HSD17B4: variants seen among roughly 807,000 people sequenced by gnomAD.
HSD17B4 encodes the protein peroxisomal multifunctional enzyme type 2.
A neutral mutation model predicts 101.0 loss-of-function variants in HSD17B4; 70 were observed. That is an observed-to-expected ratio of 0.69 (90% CI 0.57 to 0.85). The LOEUF (loss-of-function observed/expected upper bound fraction) is 0.85. HSD17B4 is among the 40% of genes least tolerant of loss of function. The probability of loss-of-function intolerance (pLI) is 0.00; values close to 1 mark genes in which losing one functional copy is unlikely to be tolerated. For missense variants in HSD17B4, 984 were observed against 892.4 expected (o/e 1.10, Z -1.31); for synonymous variants, 347 against 297.1 (o/e 1.17, Z -1.73).
intron 9 of HSD17B4, among the ~76,000 whole-genome samples, chr5:119,490,462 A>G (rs188113973): frequency 2.6e-5 from 4 of 152,358 alleles, no homozygotes; most frequent in Non-Finnish European, 5.9e-5. Context: ...GACCATATAA[A>G]AAATAAAATA....
intron 2 of HSD17B4, among the ~76,000 whole-genome samples, chr5:119,458,270 G>A (rs1179300275): frequency 6.6e-6 from 1 of 152,016 alleles, no homozygotes; most frequent in Non-Finnish European, 1.5e-5. Context: ...CCTTTTTAAA[G>A]TCTGTGTCTT....
At chr5:119,468,077 C>T (rs780223722) in intron 2 of HSD17B4, among the ~76,000 whole-genome samples, 6 of 151,888 alleles carry the variant, frequency 4.0e-5, no homozygotes, top group African/African-American at 9.7e-5. Context: ...TAATTGTTTT[C>T]TGTTTTTTTT....
At chr5:119,472,991 T>C (rs77024604) in intron 2 of HSD17B4, among the ~76,000 whole-genome samples, 1 of 152,196 alleles carries the variant, frequency 6.6e-6, no homozygotes, top group Non-Finnish European at 1.5e-5. Context: ...GTTTCATTGC[T>C]TGTATATACC....
At chr5:119,532,176 C>A (rs1463605388) in intron 22 of HSD17B4, among the ~76,000 whole-genome samples, 1 of 152,106 alleles carries the variant, frequency 6.6e-6, no homozygotes, top group East Asian at 1.9e-4. Flanking sequence ...CCTAGAGATT[C>A]TTCAATTAGG....
At chr5:119,536,182 C>G (rs1006603663) in intron 22 of HSD17B4, 8 of 447,024 alleles carry the variant, frequency 1.8e-5, no homozygotes, top group African/African-American at 1.6e-4. Context: ...AGACCATGAC[C>G]TGAGCCACTA....
At chr5:119,517,998 G>C (rs536196360) in intron 17 of HSD17B4, among the ~76,000 whole-genome samples, 1 of 152,066 alleles carries the variant, frequency 6.6e-6, no homozygotes, top group Non-Finnish European at 1.5e-5. Context: ...ACCAATCAGC[G>C]CCCTGTCAAA....
intron 4 of HSD17B4, among the ~76,000 whole-genome samples, chr5:119,475,133 C>G (rs943666658): frequency 6.6e-6 from 1 of 152,028 alleles, no homozygotes; most frequent in Non-Finnish European, 1.5e-5. Context: ...CTCATAAGAA[C>G]CATGTTCACA....
rs1214229900 is a variant in HSD17B4, at chr5:119,476,786, T to C, written c.350-631T>C. ...ACTCCTGACTACCCTTCTCCCTCTCTTTCTTTTTTTTAGTTCCTTTTTTCA... is the reference window on the plus strand; with the variant it reads ...ACTCCTGACTACCCTTCTCCCTCTCCTTCTTTTTTTTAGTTCCTTTTTTCA... On this transcript the variant is annotated intron_variant, in intron 6 of 23. Coordinates refer to ENST00000510025, the MANE Select transcript of HSD17B4 (RefSeq NM_000414.4). The C allele has an allele frequency of 1.4e-5, 11 of 784,220 alleles. No homozygotes were observed. The South Asian group carries it at 4.6e-4, about 33-fold the overall frequency. 48.6% of individuals were successfully genotyped at this position (784,220 alleles called of 1,614,324 possible).
chr5:119,461,185 A>T (rs1472774118), intron 2 of HSD17B4, among the ~76,000 whole-genome samples: 1 of 152,230 alleles, frequency 6.6e-6, no homozygotes, highest in South Asian at 2.1e-4. Flanking sequence ...TCAACATTTC[A>T]GTAAAGGAAT....
intron 1 of HSD17B4, chr5:119,452,865 G>A (rs1754206457): frequency 3.3e-6 from 5 of 1,535,158 alleles, no homozygotes; most frequent in African/African-American, 2.7e-5. Flanking sequence ...GGCTTCCCAA[G>A]GTCCTGCCTG....
chr5:119,522,789 C>T (rs1470212255), intron 17 of HSD17B4, among the ~76,000 whole-genome samples: 1 of 152,052 alleles, frequency 6.6e-6, no homozygotes, highest in Non-Finnish European at 1.5e-5. Context: ...ATTCTGTTCT[C>T]CCCGAAAGTG....
At chr5:119,482,560 A>G (rs1749235594) in intron 8 of HSD17B4, among the ~76,000 whole-genome samples, 1 of 152,178 alleles carries the variant, frequency 6.6e-6, no homozygotes, top group Admixed American at 6.5e-5. Context: ...AATAATAGCA[A>G]GTGAGATTAA....
intron 23 of HSD17B4, among the ~76,000 whole-genome samples, chr5:119,537,538 A>G (rs1754635638): frequency 6.6e-6 from 1 of 152,158 alleles, no homozygotes; most frequent in African/African-American, 2.4e-5. Flanking sequence ...GGCTGAATTA[A>G]GACAAAACCC....
At chr5:119,459,886 T>C (rs1198975020) in intron 2 of HSD17B4, among the ~76,000 whole-genome samples, 1 of 151,928 alleles carries the variant, frequency 6.6e-6, no homozygotes, top group Non-Finnish European at 1.5e-5. Context: ...TTTTTTTTTT[T>C]TTGAGAGGGA....
intron 17 of HSD17B4, among the ~76,000 whole-genome samples, chr5:119,521,938 A>G (rs1753149731): frequency 1.3e-5 from 2 of 149,672 alleles, no homozygotes. Flanking sequence ...TTTTAAATAT[A>G]TATGTATTTT....
At chr5:119,468,547 T>C (rs1300592701) in intron 2 of HSD17B4, among the ~76,000 whole-genome samples, 1 of 152,162 alleles carries the variant, frequency 6.6e-6, no homozygotes, top group Non-Finnish European at 1.5e-5. Context: ...TTTAATATTC[T>C]CTTTTTGTCT....
chr5:119,526,169 C>T lies in HSD17B4; in HGVS notation c.1680+146C>T, dbSNP rs1477711399. On this transcript the variant is annotated intron_variant, in intron 19 of 23. Coordinates refer to ENST00000510025, the MANE Select transcript of HSD17B4 (RefSeq NM_000414.4). ...TATTTCATTGACCTGGCAATCAGCACACTTTCTTTTTGTAGCTATAAATAG... is the reference window on the plus strand; with the variant it reads ...TATTTCATTGACCTGGCAATCAGCATACTTTCTTTTTGTAGCTATAAATAG... 6.1e-6 allele frequency: 4 copies of T among 650,808 alleles called. No homozygotes were observed. In the African/African-American group the frequency reaches 7.2e-5, roughly 12 times the overall value. 40.3% of individuals were successfully genotyped at this position (650,808 alleles called of 1,614,324 possible).
chr5:119,467,687 A>T (rs1032203036), intron 2 of HSD17B4, among the ~76,000 whole-genome samples: 3 of 152,230 alleles, frequency 2.0e-5, no homozygotes, highest in Admixed American at 2.0e-4. Flanking sequence ...ATCAATAGAA[A>T]ATACAGTATT....
At chr5:119,474,329 T>C (rs1294649701) in intron 3 of HSD17B4, 72 bp from the exon 4 acceptor site, 11 of 903,134 alleles carry the variant, frequency 1.2e-5, no homozygotes, top group Non-Finnish European at 1.9e-5. Context: ...TCGTGTACTC[T>C]GACCCACAGA....
Sources: gnomAD v4.1 joint callset for allele counts (sites outside exome capture counted in the v4.1 genomes callset) on GRCh38, gnomAD v4.1.1 for gene constraint, MANE v1.5 for transcripts, NCBI Gene and HGNC (gene_info 2026-07-23, HGNC 2026-07-21) for gene names.